Variants in SSBP3 observed in about 807,000 individuals in gnomAD.
SSBP3 encodes the protein single-stranded DNA-binding protein 3.
Under a neutral mutation model 69.6 loss-of-function variants are expected in SSBP3, and 5 were observed. That is an observed-to-expected ratio of 0.07 (90% CI 0.04 to 0.15). The LOEUF is 0.15. SSBP3 is among the 10% of genes least tolerant of loss of function. The pLI, the probability that SSBP3 is intolerant of heterozygous loss-of-function variation, is 1.00. For synonymous variants in SSBP3, 196 were observed against 193.4 expected (o/e 1.01, Z -0.11); for missense variants, 312 against 534.0 (o/e 0.58, Z 4.10).
chr1:54,309,190 C>T (rs1023494412), intron 4 of SSBP3, among the ~76,000 whole-genome samples: 1 of 152,226 alleles, frequency 6.6e-6, no homozygotes, highest in African/African-American at 2.4e-5. Context: ...ATTAACACCA[C>T]TCATTTGCTT....
intron 4 of SSBP3, among the ~76,000 whole-genome samples, chr1:54,343,358 G>A (rs1360655026): frequency 6.6e-6 from 1 of 152,220 alleles, no homozygotes; most frequent in African/African-American, 2.4e-5. Context: ...GAACAGGGGT[G>A]GTAGTACCTT....
intron 4 of SSBP3, among the ~76,000 whole-genome samples, chr1:54,342,484 G>A (rs2100530895): frequency 6.6e-6 from 1 of 152,294 alleles, no homozygotes; most frequent in East Asian, 1.9e-4. Flanking sequence ...TCTCTGCAAA[G>A]TGGGCCTGAG....
chr1:54,343,522 A>G (rs1412593134), intron 4 of SSBP3, among the ~76,000 whole-genome samples: 1 of 152,194 alleles, frequency 6.6e-6, no homozygotes, highest in Non-Finnish European at 1.5e-5. Context: ...TGTCCAGGCC[A>G]CCCAGTGGCA....
intron 4 of SSBP3, among the ~76,000 whole-genome samples, chr1:54,282,212 T>C (rs1005567089): frequency 2.6e-5 from 4 of 152,242 alleles, no homozygotes; most frequent in Non-Finnish European, 5.9e-5. Flanking sequence ...CCCTGGGCCG[T>C]GTCTGCCCAG....
At chr1:54,269,226 G>A (rs1248354013) in intron 5 of SSBP3, among the ~76,000 whole-genome samples, 1 of 152,100 alleles carries the variant, frequency 6.6e-6, no homozygotes, top group Non-Finnish European at 1.5e-5. Context: ...TTGGAAGCAT[G>A]CCCCTCAACA....
chr1:54,260,264 C>T (rs1644995129), intron 5 of SSBP3, among the ~76,000 whole-genome samples: 1 of 152,200 alleles, frequency 6.6e-6, no homozygotes, highest in Non-Finnish European at 1.5e-5. Context: ...GGGCAAAAGG[C>T]CTTCTGTTGG....
chr1:54,301,703 A>G (rs1645804799), intron 4 of SSBP3, among the ~76,000 whole-genome samples: 1 of 152,196 alleles, frequency 6.6e-6, no homozygotes, highest in Non-Finnish European at 1.5e-5. Context: ...ATCCATTCAG[A>G]GCCAAGCGAG....
chr1:54,240,853 A>G, intron 13 of SSBP3, 52 bp downstream of exon 13: 2 of 1,610,652 alleles, frequency 1.2e-6, no homozygotes, highest in Non-Finnish European at 1.7e-6. Flanking sequence ...CTCTGGCAAC[A>G]TGCCCCACCC....
chr1:54,235,566 C>T (rs558854214), intron 14 of SSBP3, among the ~76,000 whole-genome samples: 1 of 150,536 alleles, frequency 6.6e-6, no homozygotes, highest in Non-Finnish European at 1.5e-5. Context: ...AGCAATTCTG[C>T]CTCAGCCTCC....
At chr1:54,248,291 G>T (rs1644767710) in intron 9 of SSBP3, among the ~76,000 whole-genome samples, 1 of 152,214 alleles carries the variant, frequency 6.6e-6, no homozygotes, top group Non-Finnish European at 1.5e-5. Context: ...CCCGGGCTGT[G>T]GCAGTAGGCA....
At chr1:54,320,940 G>T (rs1438313457) in intron 4 of SSBP3, among the ~76,000 whole-genome samples, 1 of 152,254 alleles carries the variant, frequency 6.6e-6, no homozygotes, top group Non-Finnish European at 1.5e-5. Flanking sequence ...CTGGGAGGCA[G>T]GAAAGCTTTG....
chr1:54,411,033 G>A (rs1366365024), upstream of SSBP3, among the ~76,000 whole-genome samples: 2 of 152,204 alleles, frequency 1.3e-5, no homozygotes, highest in Admixed American at 6.5e-5. Flanking sequence ...GTCTTCCAAC[G>A]GACACATACT....
chr1:54,260,882 T>C (rs1645006616), intron 5 of SSBP3, among the ~76,000 whole-genome samples: 1 of 152,124 alleles, frequency 6.6e-6, no homozygotes, highest in Non-Finnish European at 1.5e-5. Context: ...GGGAGAAAAA[T>C]GATACCACAT....
intron 5 of SSBP3, among the ~76,000 whole-genome samples, chr1:54,265,649 C>T (rs897441485): frequency 1.6e-4 from 24 of 152,184 alleles, no homozygotes; most frequent in African/African-American, 5.6e-4. Context: ...GGACCATCTT[C>T]CTGGGACGGT....
intron 4 of SSBP3, among the ~76,000 whole-genome samples, chr1:54,316,656 AAAATAAAAT>A (rs1488016676): frequency 1.9e-4 from 10 of 53,898 alleles, no homozygotes; most frequent in Admixed American, 9.5e-4. Flanking sequence ...TCAAAAAAAA[AAAATAAAAT>A]AAATAAATAA....
rs146568567 is a variant in SSBP3, at chr1:54,358,444, G to A, written c.276+43417C>T. ...TGCAAATCCCAGTGCCGGCTGACTGGATGACCAACTGGAAGCTTCGTGAGC... is the reference window on the plus strand; with the variant it reads ...TGCAAATCCCAGTGCCGGCTGACTGAATGACCAACTGGAAGCTTCGTGAGC... On this transcript the variant is annotated intron_variant, in intron 4 of 17. Coordinates refer to ENST00000610401, the Ensembl canonical transcript of SSBP3. Among the ~76,000 whole-genome samples, 751 of 152,322 alleles carry A rather than the reference G, an allele frequency of 4.9e-3. 7 individuals carry two copies. The highest frequency in any genetic ancestry group is 3.2e-3 in the Non-Finnish European group (220 of 68,034).
chr1:54,404,956 G>T, intron 1 of SSBP3, 26 bp from the exon 2 acceptor site: 1 of 1,604,588 alleles, frequency 6.2e-7, no homozygotes, highest in Non-Finnish European at 8.5e-7. Context: ...GGGGCAAAGA[G>T]AGAGAGGGAA....
At chr1:54,276,608 C>CAAAAAAAAAAAAAAAAAAAAAAAAA (rs746933473) in intron 5 of SSBP3, among the ~76,000 whole-genome samples, 2 of 35,214 alleles carry the variant, frequency 5.7e-5, no homozygotes, top group African/African-American at 3.0e-4. Context: ...GACTCTGTCT[C>CAAAAAAAAAAAAAAAAAAAAAAAAA]AAAAAAAAAA....
chr1:54,368,733 T>C (rs1647070678), intron 4 of SSBP3, among the ~76,000 whole-genome samples: 1 of 152,206 alleles, frequency 6.6e-6, no homozygotes, highest in Non-Finnish European at 1.5e-5. Context: ...ATAGACCCTT[T>C]ATTGAAATGT....
Sources: gnomAD v4.1 joint callset for allele counts (sites outside exome capture counted in the v4.1 genomes callset) on GRCh38, gnomAD v4.1.1 for gene constraint, MANE v1.5 for transcripts, NCBI Gene and HGNC (gene_info 2026-07-23, HGNC 2026-07-21) for gene names.